Variants in BBS2 observed in about 807,000 individuals in gnomAD.
BBS2 encodes the protein Bardet-Biedl syndrome 2.
Under a neutral mutation model 83.0 loss-of-function variants are expected in BBS2, and 62 were observed. That is an observed-to-expected ratio of 0.75 (90% CI 0.61 to 0.92). BBS2 has a LOEUF of 0.92. BBS2 is among the 40% of genes least tolerant of loss of function. BBS2 has a pLI of 0.00. For missense variants in BBS2, 784 were observed against 901.0 expected, an observed-to-expected ratio of 0.87 and a Z score of 1.66; for synonymous variants, 303 against 326.1, an observed-to-expected ratio of 0.93 and a Z score of 0.76.
At chr16:56,496,498 C>T (rs944741803) in intron 15 of BBS2, among the ~76,000 whole-genome samples, 1 of 152,156 alleles carries the variant, frequency 6.6e-6, no homozygotes, top group Admixed American at 6.5e-5. Context: ...ACTATACACA[C>T]GGATACATTT....
intron 2 of BBS2, 46 bp downstream of exon 2, chr16:56,514,407 C>T (rs1404450909): frequency 1.8e-5 from 27 of 1,539,936 alleles, no homozygotes; most frequent in Non-Finnish European, 2.4e-5. Context: ...AAAAAATGGA[C>T]ATTAATGAGT....
chr16:56,496,123 CTCT>C (rs1403269892), intron 15 of BBS2, among the ~76,000 whole-genome samples: 2 of 152,132 alleles, frequency 1.3e-5, no homozygotes, highest in Non-Finnish European at 2.9e-5. Flanking sequence ...ACAAGCAGCA[CTCT>C]GAGTGAACTC....
At chr16:56,516,977 G>C (rs867278316) in intron 1 of BBS2, among the ~76,000 whole-genome samples, 4 of 151,848 alleles carry the variant, frequency 2.6e-5, no homozygotes, top group African/African-American at 7.3e-5. Context: ...CAGGACAAGG[G>C]ATCTCCTTTA....
At chr16:56,516,635 T>G (rs1350163870) in intron 1 of BBS2, among the ~76,000 whole-genome samples, 1 of 152,098 alleles carries the variant, frequency 6.6e-6, no homozygotes, top group African/African-American at 2.4e-5. Flanking sequence ...TCAGTTGATC[T>G]GCCCCTCTCA....
intron 17 of BBS2, chr16:56,478,068 G>C (rs1963555102): frequency 6.6e-6 from 1 of 152,076 alleles, no homozygotes; most frequent in South Asian, 2.1e-4. Context: ...TAAATGATGA[G>C]ATAAAAAGAA....
chr16:56,490,128 G>GCACACACACACACACGCA (rs756733677), intron 15 of BBS2, among the ~76,000 whole-genome samples: 1 of 113,050 alleles, frequency 8.8e-6, no homozygotes, highest in Non-Finnish European at 2.2e-5. Context: ...ACACACACAC[G>GCACACACACACACACGCA]CACACACACA....
intron 9 of BBS2, 104 bp from the exon 10 acceptor site, chr16:56,501,601 A>C: frequency 7.2e-7 from 1 of 1,390,094 alleles, no homozygotes; most frequent in Non-Finnish European, 1.0e-6. Context: ...AGCCTCCAGC[A>C]TATTATTATT....
At position 56,519,729 on chromosome 16, in the gene BBS2, C is replaced by A. The variant is rs201119943; in HGVS notation, c.117+17G>T. 60 of 1,599,144 alleles carry A rather than the reference C, an allele frequency of 3.8e-5. No homozygotes were observed. Among genetic ancestry groups the A allele is most frequent in the Non-Finnish European group, 4.6e-5 (54 of 1,168,250 alleles). On this transcript the variant is annotated intron_variant, in intron 1 of 16. Coordinates refer to ENST00000245157, the MANE Select transcript of BBS2 (RefSeq NM_031885.5). ...GGTTCCCTGGGGCCCGGGCTCCCTG[C>A]GGGTGGGAGCGGTTACCTTGCCCGT...
intron 2 of BBS2, among the ~76,000 whole-genome samples, chr16:56,511,556 A>T (rs761494104): frequency 2.0e-5 from 3 of 152,154 alleles, no homozygotes; most frequent in Non-Finnish European, 2.9e-5. Flanking sequence ...GGAAGAAGGG[A>T]TTCTACCAGC....
chr16:56,518,117 T>C (rs940554131), intron 1 of BBS2, among the ~76,000 whole-genome samples: 3 of 152,280 alleles, frequency 2.0e-5, no homozygotes, highest in East Asian at 3.9e-4. Context: ...GCACCCAGCC[T>C]GTCAGTGACT....
intron 1 of BBS2, among the ~76,000 whole-genome samples, chr16:56,514,906 T>C (rs1179806403): frequency 1.3e-5 from 2 of 152,150 alleles, no homozygotes; most frequent in Non-Finnish European, 2.9e-5. Context: ...AACAAGGTAA[T>C]GAACAAGATC....
At chr16:56,480,352 C>CCAA (rs1555519770), downstream of BBS2, among the ~76,000 whole-genome samples, 578 of 76,308 alleles carry the variant, frequency 7.6e-3, 18 homozygotes, top group South Asian at 0.038. Flanking sequence ...CACACACACA[C>CCAA]AAAAAAAAAA....
chr16:56,517,647 C>T (rs558084951), intron 1 of BBS2, among the ~76,000 whole-genome samples: 1 of 152,318 alleles, frequency 6.6e-6, no homozygotes, highest in East Asian at 1.9e-4. Context: ...GGGGCAAAAA[C>T]TTGTCTGTCA....
rs1964536843 is a variant in BBS2, at chr16:56,510,156, C to A, written c.535-122G>T. On this transcript the variant is annotated intron_variant, in intron 4 of 16. Transcript: ENST00000245157. ...TTCTGCCACCCAAGATTGACAACCT[C>A]ATAATCGTTTGATGCTCAGAAATGC... The A allele has an allele frequency of 9.9e-6, 8 of 810,268 alleles. No individual in the cohort carries two copies. The East Asian group carries it at 2.2e-4, about 22-fold the overall frequency. 50.2% of individuals were successfully genotyped at this position (810,268 alleles called of 1,614,324 possible).
At chr16:56,509,863 T>G (rs1017969000) in intron 5 of BBS2, 94 bp downstream of exon 5, 1 of 1,332,942 alleles carries the variant, frequency 7.5e-7, no homozygotes, top group Admixed American at 1.7e-5. Context: ...CCACCTGGGT[T>G]TGGAGATGCC....
At chr16:56,479,013 T>C (rs909879886) in intron 17 of BBS2, 1 of 152,250 alleles carries the variant, frequency 6.6e-6, no homozygotes, top group Admixed American at 6.5e-5. Flanking sequence ...GGGGCCAATG[T>C]CAACAACTCT....
At chr16:56,480,754 T>C (rs1342585499), downstream of BBS2, among the ~76,000 whole-genome samples, 1 of 152,174 alleles carries the variant, frequency 6.6e-6, no homozygotes, top group African/African-American at 2.4e-5. Context: ...GCACAAACCC[T>C]GTTGAAAAGG....
chr16:56,497,579 C>A, intron 14 of BBS2, 164 bp downstream of exon 14: 1 of 872,448 alleles, frequency 1.1e-6, no homozygotes, highest in African/African-American at 1.7e-5. Context: ...TAAAATAAAT[C>A]CTTAAGTAGT....
At chr16:56,493,261 C>A (rs1421347228) in intron 15 of BBS2, among the ~76,000 whole-genome samples, 1 of 151,812 alleles carries the variant, frequency 6.6e-6, no homozygotes, top group Non-Finnish European at 1.5e-5. Flanking sequence ...TGGCTCATGC[C>A]TTTAGTCCCA....
Sources: gnomAD v4.1 joint callset for allele counts (sites outside exome capture counted in the v4.1 genomes callset) on GRCh38, gnomAD v4.1.1 for gene constraint, MANE v1.5 for transcripts, NCBI Gene and HGNC (gene_info 2026-07-23, HGNC 2026-07-21) for gene names.